The following SOX13 variants were observed in gnomAD, a reference collection of about 807,000 sequenced individuals.
SOX13 encodes the protein SRY-box transcription factor 13.
A neutral mutation model predicts 71.8 loss-of-function variants in SOX13; 28 were observed. The ratio of observed to expected loss-of-function variants is 0.39; its 90% CI spans 0.29 to 0.53. The LOEUF is 0.53. SOX13 is among the 20% of genes least tolerant of loss of function. SOX13 has a pLI of 0.70. For missense variants in SOX13, 627 were observed against 810.3 expected (o/e 0.77, Z 2.75); for synonymous variants, 309 against 317.8 (o/e 0.97, Z 0.29).
At chr1:204,112,498 C>T (rs900145302) in intron 1 of SOX13, among the ~76,000 whole-genome samples, 19 of 94,324 alleles carry the variant, frequency 2.0e-4, no homozygotes, top group South Asian at 9.1e-4. Flanking sequence ...TGCACACATG[C>T]GTGCACACAC....
chr1:204,087,430 T>C (rs1244747018), intron 1 of SOX13, among the ~76,000 whole-genome samples: 1 of 152,238 alleles, frequency 6.6e-6, no homozygotes, highest in Non-Finnish European at 1.5e-5. Flanking sequence ...TCCCAGGGCC[T>C]GCTCCCTGTG....
intron 1 of SOX13, among the ~76,000 whole-genome samples, chr1:204,092,817 C>T (rs969969960): frequency 6.6e-6 from 1 of 152,156 alleles, no homozygotes; most frequent in African/African-American, 2.4e-5. Context: ...GGGACAGGCA[C>T]TGTCTCCTAT....
Position 204,123,168 on chromosome 1 carries a change from G to A in SOX13, c.1191G>A (p.Val397=), listed in dbSNP as rs998317240. The change falls in exon 11 of 14, where the codon GTG becomes GTA. Residue 397 remains valine, a synonymous_variant. Coordinates refer to ENST00000367204, the MANE Select transcript of SOX13 (RefSeq NM_005686.3). This position sits in a 1 kb window ranked among gnomAD's most constrained non-coding sequence, Gnocchi z 5.0. ...AGGAGCGGCTGGAGGACGGCTGTGT[G>A]CACCCACTGGAGGAAGCCATGCTGA... The part of the protein sequence containing the change: ...PAKERLEDGC[V]HPLEEAMLSC... The A allele has an allele frequency of 1.9e-6, 3 of 1,613,598 alleles. No homozygotes were observed. Among genetic ancestry groups the A allele is most frequent in the Non-Finnish European group, 2.5e-6 (3 of 1,179,710 alleles).
At chr1:204,114,672 A>G in intron 4 of SOX13, 67 bp downstream of exon 4, 1 of 1,256,522 alleles carries the variant, frequency 8.0e-7, no homozygotes, top group African/African-American at 1.5e-5. Flanking sequence ...CTGGCCACGC[A>G]GCCTGGCTCT....
rs1188460213 is a variant in SOX13, at chr1:204,116,255, G to A, written c.419-252G>A. On this transcript the variant is annotated intron_variant, in intron 4 of 13. Coordinates refer to ENST00000367204, the MANE Select transcript of SOX13 (RefSeq NM_005686.3). ...GGCTCTGGGGCTGACATGTCCCACT[G>A]TCAGCATTTTCAGGGGGCCTGGAAT... 4 of 1,455,132 alleles carry A rather than the reference G, an allele frequency of 2.7e-6. No homozygotes were observed. The African/African-American group carries it at 5.6e-5, about 20-fold the overall frequency. 90.1% of individuals were successfully genotyped at this position (1,455,132 alleles called of 1,614,324 possible). A position where few individuals can be genotyped will look rare whatever the true frequency, so the allele number is the denominator to read the frequency against.
In SOX13 at chr1:204,123,036, G is replaced by C. The variant is rs911127323; in HGVS notation, c.1134+73G>C. 4.0e-6 allele frequency: 6 copies of C among 1,513,796 alleles called. No homozygotes were observed. The highest frequency in any genetic ancestry group is 1.7e-5 in the Admixed American group (1 of 58,986). The allele number at this position is 1,513,796 out of a possible 1,614,324, so 93.8% of individuals were successfully genotyped here. On this transcript the variant is annotated intron_variant, in intron 10 of 13. Transcript: ENST00000367204. The surrounding 1 kb of genome is among the most constrained non-coding windows in gnomAD (Gnocchi z 5.0). ...CCAGGAGTGGAAGACACAGTCTGAG[G>C]CCACCAAGAGAGGAGCATGGGGAGG... is the stretch of plus-strand genomic sequence containing the variant.
At chr1:204,087,442 A>T (rs542980448) in intron 1 of SOX13, among the ~76,000 whole-genome samples, 1 of 152,174 alleles carries the variant, frequency 6.6e-6, no homozygotes, top group Admixed American at 6.5e-5. Flanking sequence ...CTCCCTGTGC[A>T]TGAGGCAGTA....
Position 204,122,240 on chromosome 1 carries a change from C to A in SOX13, c.865C>A (p.Pro289Thr), listed in dbSNP as rs781451183. ...AMATHHPLQEPSQPLNLTAKP... is the reference protein window; with the variant it reads ...AMATHHPLQETSQPLNLTAKP... ...TGACCTGCTGGGTCTCCCTCAGGAG[C>A]CCTCCCAGCCCCTGAACCTCACAGC... The change falls in exon 9 of 14, where the codon CCC (proline) becomes ACC (threonine). Residue 289 changes from proline (P) to threonine (T), a missense_variant. By Grantham distance (38) the Pro-to-Thr change is conservative (BLOSUM62 -1). This residue lies in a region of SOX13 where 447 missense variants were observed against 532.2 expected (regional missense o/e 0.84). Coordinates refer to ENST00000367204, the MANE Select transcript of SOX13 (RefSeq NM_005686.3). 6.4e-6 allele frequency: 10 copies of A among 1,573,668 alleles called. No individual in the cohort carries two copies. In the East Asian group the frequency reaches 2.3e-4, roughly 37 times the overall value.
Position 204,106,388 on chromosome 1 carries a change from G to A in SOX13, c.-1-6527G>A, listed in dbSNP as rs146330494. On this transcript the variant is annotated intron_variant, in intron 1 of 13. Transcript: ENST00000367204. ...GCTTTGTGCTGTGCTGCTGAACTCTGTCACTCTCTTGTCATTCTAAGAATA... is the reference window on the plus strand; with the variant it reads ...GCTTTGTGCTGTGCTGCTGAACTCTATCACTCTCTTGTCATTCTAAGAATA... Among the ~76,000 whole-genome samples the A allele has an allele frequency of 2.0e-5, 3 of 152,256 alleles. No homozygotes were observed. The East Asian group carries it at 5.8e-4, about 29-fold the overall frequency.
chr1:204,124,170 T>C (rs973828766), intron 12 of SOX13, among the ~76,000 whole-genome samples: 7 of 152,150 alleles, frequency 4.6e-5, no homozygotes, highest in African/African-American at 1.7e-4. Context: ...AAATTATATG[T>C]CCTGATTGGT....
At chr1:204,109,788 C>A (rs116624277) in intron 1 of SOX13, among the ~76,000 whole-genome samples, 2,773 of 152,196 alleles carry the variant, frequency 0.018, 33 homozygotes, top group Non-Finnish European at 0.031. Flanking sequence ...TATGCACATC[C>A]TCCCGTATAC....
intron 1 of SOX13, among the ~76,000 whole-genome samples, chr1:204,105,724 G>A (rs755532459): frequency 6.6e-6 from 1 of 152,142 alleles, no homozygotes; most frequent in Non-Finnish European, 1.5e-5. Flanking sequence ...AAGCAGTGCT[G>A]CCCCAAAAGC....
intron 7 of SOX13, among the ~76,000 whole-genome samples, chr1:204,120,729 C>T (rs146412895): frequency 7.2e-5 from 11 of 152,344 alleles, no homozygotes; most frequent in Non-Finnish European, 1.5e-4. Context: ...GCAGAGTTTG[C>T]TGGTGCTCTG....
At chr1:204,116,393 G>A in intron 4 of SOX13, 114 bp from the exon 5 acceptor site, 1 of 1,597,212 alleles carries the variant, frequency 6.3e-7, no homozygotes, top group East Asian at 2.3e-5. Context: ...GCCCCTAATG[G>A]TCCTGGGACA....
chr1:204,091,001 T>G (rs1212426903), intron 1 of SOX13, among the ~76,000 whole-genome samples: 1 of 152,188 alleles, frequency 6.6e-6, no homozygotes, highest in East Asian at 1.9e-4. Flanking sequence ...AGGACTTTGT[T>G]GACAATGGGG....
intron 5 of SOX13, 135 bp downstream of exon 5, chr1:204,116,814 A>G: frequency 6.9e-7 from 1 of 1,451,506 alleles, no homozygotes; most frequent in Non-Finnish European, 9.2e-7. Context: ...GTCTGTGGCC[A>G]GGGGCTGTAG....
At chr1:204,075,686 C>T (rs569953645) in intron 1 of SOX13, among the ~76,000 whole-genome samples, 2 of 152,194 alleles carry the variant, frequency 1.3e-5, no homozygotes, top group South Asian at 2.1e-4. Context: ...AGTTAGATCC[C>T]GGATGCCACT....
At chr1:204,078,296 A>G (rs1230828646) in intron 1 of SOX13, 1 of 152,156 alleles carries the variant, frequency 6.6e-6, no homozygotes, top group African/African-American at 2.4e-5. Context: ...GGATTCTACA[A>G]AGATTTTCTC....
At position 204,081,935 on chromosome 1, in the gene SOX13, C is replaced by A. The variant is rs1040235421; in HGVS notation, c.-2+8224C>A. Among the ~76,000 whole-genome samples, 1 of 152,048 alleles carries A rather than the reference C, an allele frequency of 6.6e-6. No homozygotes were observed. Among genetic ancestry groups the A allele is most frequent in the Non-Finnish European group, 1.5e-5 (1 of 68,000 alleles). ...GTGGAAGGAAGCCTGTGTGCAGGTACAGCCGTGGCTCAGAGGCAGGTGGGG... is the reference window on the plus strand; with the variant it reads ...GTGGAAGGAAGCCTGTGTGCAGGTAAAGCCGTGGCTCAGAGGCAGGTGGGG... On this transcript the variant is annotated intron_variant, in intron 1 of 13. Transcript: ENST00000367204. This position sits in a 1 kb window ranked among gnomAD's most constrained non-coding sequence, Gnocchi z 4.3.
Sources: allele counts gnomAD v4.1 joint callset (sites outside exome capture counted in the v4.1 genomes callset), GRCh38; gene constraint gnomAD v4.1.1; regional missense constraint gnomAD v4.1.1; non-coding constraint Gnocchi (gnomAD v3.1); transcripts MANE v1.5; gene names NCBI Gene and HGNC (gene_info 2026-07-23, HGNC 2026-07-21).